Variants in CCDC152 observed in about 807,000 individuals in gnomAD.
CCDC152 encodes the protein coiled-coil domain containing 152.
A neutral mutation model predicts 38.1 loss-of-function variants in CCDC152; 37 were observed. That is an observed-to-expected ratio of 0.97 (90% CI 0.75 to 1.28). CCDC152 has a LOEUF of 1.28. Among genes scored for constraint, CCDC152 ranks in the 50% most tolerant of loss-of-function variants. The pLI, the probability that CCDC152 is intolerant of heterozygous loss-of-function variation, is 0.00. For synonymous variants in CCDC152, 83 were observed against 87.1 expected, an observed-to-expected ratio of 0.95 and a Z score of 0.26; for missense variants, 259 against 292.1, an observed-to-expected ratio of 0.89 and a Z score of 0.83.
chr5:42,767,842 T>C (rs182747129), intron 3 of CCDC152, among the ~76,000 whole-genome samples: 1 of 152,358 alleles, frequency 6.6e-6, no homozygotes, highest in Admixed American at 6.5e-5. Context: ...CAAAGACAAG[T>C]GATGGCAGAG....
rs539229301 is a variant in CCDC152 at position 42,786,193 on chromosome 5, A to G, written c.430+2617A>G. 1.5e-3 allele frequency among the ~76,000 whole-genome samples: 222 copies of G among 149,856 alleles called. 1 individual carries two copies. The highest frequency in any genetic ancestry group is 5.3e-3 in the African/African-American group (215 of 40,746). ...AATAGTTTCAGTAATATTGGTACCA[A>G]CTCTTCTTTGTACATCTGGTAGAAT... On this transcript the variant is annotated intron_variant, in intron 6 of 8. Coordinates refer to ENST00000361970, the MANE Select transcript of CCDC152 (RefSeq NM_001134848.2).
chr5:42,785,083 C>T (rs1759900788), intron 6 of CCDC152, among the ~76,000 whole-genome samples: 1 of 152,022 alleles, frequency 6.6e-6, no homozygotes, highest in Non-Finnish European at 1.5e-5. Flanking sequence ...TTTGACTATT[C>T]AGGCTCTGTT....
In CCDC152 at chr5:42,783,518, C is replaced by A; in HGVS notation, c.372C>A (p.Ile124=). Residue 124 remains isoleucine, a synonymous_variant, in exon 6 of 9, where the codon ATC becomes ATA. Coordinates refer to ENST00000361970, the MANE Select transcript of CCDC152 (RefSeq NM_001134848.2). ...NIAKLVSEMK[I]KEEGYKKEIS... is the part of the protein sequence containing the mutation. ...CCAAACTTGTAAGTGAAATGAAAAT[C>A]AAAGAGGAGGGATATAAGAAAGAAA... The A allele has an allele frequency of 7.2e-7, 1 of 1,383,964 alleles. No individual in the cohort carries two copies. Among genetic ancestry groups the A allele is most frequent in the Admixed American group, 2.6e-5 (1 of 38,936 alleles). 85.7% of individuals were successfully genotyped at this position (1,383,964 alleles called of 1,614,324 possible).
At chr5:42,778,223 A>G (rs1759793447) in intron 4 of CCDC152, among the ~76,000 whole-genome samples, 3 of 152,198 alleles carry the variant, frequency 2.0e-5, no homozygotes, top group Admixed American at 6.5e-5. Flanking sequence ...AAGTCGCCAA[A>G]TGTTGGAGTG....
At position 42,783,558 on chromosome 5, in the gene CCDC152, CA is replaced by C; in HGVS notation, c.413del (p.Gln138ArgfsTer9). On this transcript the variant is annotated frameshift_variant, in exon 6 of 9. Coordinates refer to ENST00000361970, the MANE Select transcript of CCDC152 (RefSeq NM_001134848.2). LOFTEE classifies it high-confidence loss of function. ...GYKKEISKLYQDMQRKVELNE... is the reference protein window; with the variant it reads ...GYKKEISKLYXDMQRKVELNE... Reference sequence around the variant, plus strand: ...TAAGAAAGAAATAAGCAAACTTTATCAGGACATGCAGAGAAAAGGTAAGTTT... The same window carrying C: ...TAAGAAAGAAATAAGCAAACTTTATCGGACATGCAGAGAAAAGGTAAGTTT... The C allele has an allele frequency of 7.3e-7, 1 of 1,372,778 alleles. No individual in the cohort carries two copies. The highest frequency in any genetic ancestry group is 9.5e-7 in the Non-Finnish European group (1 of 1,053,298). The allele number at this position is 1,372,778 out of a possible 1,614,324, so 85.0% of individuals were successfully genotyped here.
In CCDC152 at chr5:42,781,551, G is replaced by GCACACA. The variant is rs753951581; in HGVS notation, c.328-1922_328-1921insACACAC. 7.2e-4 allele frequency among the ~76,000 whole-genome samples: 106 copies of GCACACA among 147,596 alleles called. 1 individual carries two copies. The South Asian group carries it at 0.011, about 16-fold the overall frequency. On this transcript the variant is annotated intron_variant, in intron 5 of 8. Coordinates refer to ENST00000361970, the MANE Select transcript of CCDC152 (RefSeq NM_001134848.2). ...AATCCTCACTGAGAAAAATGCGCGCGCGCGCACACACACACACACACACAC... is the reference window on the plus strand; with the variant it reads ...AATCCTCACTGAGAAAAATGCGCGCGCACACACGCGCACACACACACACACACACAC...
At chr5:42,757,956 A>G (rs1410800107) in intron 1 of CCDC152, among the ~76,000 whole-genome samples, 1 of 152,218 alleles carries the variant, frequency 6.6e-6, no homozygotes, top group South Asian at 2.1e-4. Context: ...AAAGAATAAC[A>G]GTACTATCAA....
At chr5:42,782,430 T>A (rs1172465061) in intron 5 of CCDC152, among the ~76,000 whole-genome samples, 1 of 152,218 alleles carries the variant, frequency 6.6e-6, no homozygotes, top group Non-Finnish European at 1.5e-5. Flanking sequence ...AAGACATTGT[T>A]TCTGTAATAT....
chr5:42,795,510 A>C (rs913994436), intron 6 of CCDC152, among the ~76,000 whole-genome samples: 1 of 152,250 alleles, frequency 6.6e-6, no homozygotes, highest in Non-Finnish European at 1.5e-5. Context: ...AAATTTAAGC[A>C]ACAAAATAAA....
chr5:42,762,548 G>C lies in CCDC152; in HGVS notation c.193G>C (p.Glu65Gln). The C allele has an allele frequency of 2.0e-6, 3 of 1,477,814 alleles. No homozygotes were observed. The highest frequency in any genetic ancestry group is 2.8e-6 in the Non-Finnish European group (3 of 1,082,084). 91.5% of individuals were successfully genotyped at this position (1,477,814 alleles called of 1,614,324 possible). Reference protein sequence around the residue: ...MQAKEVSIKEECATLHNIIKG... With the variant: ...MQAKEVSIKEQCATLHNIIKG... The stretch of plus-strand genomic sequence containing the variant: ...AGCAAAGGAGGTCTCCATTAAAGAA[G>C]GTTAGTTATTTGCTGCCTGAGGAAT... Residue 65 changes from glutamate to glutamine, a missense_variant and splice_region_variant, in exon 3 of 9, where the codon GAA (glutamate) becomes CAA (glutamine). Coordinates refer to ENST00000361970, the MANE Select transcript of CCDC152 (RefSeq NM_001134848.2).
chr5:42,788,563 C>A (rs1328143430), intron 6 of CCDC152, among the ~76,000 whole-genome samples: 1 of 151,996 alleles, frequency 6.6e-6, no homozygotes, highest in African/African-American at 2.4e-5. Flanking sequence ...CCTGGTCCTT[C>A]ATCTGTATGT....
chr5:42,797,097 C>A, intron 7 of CCDC152, 141 bp downstream of exon 7: 1 of 610,474 alleles, frequency 1.6e-6, no homozygotes, highest in Non-Finnish European at 2.7e-6. Context: ...CATTCTCCAC[C>A]AAATGATTGC....
intron 4 of CCDC152, among the ~76,000 whole-genome samples, chr5:42,777,658 G>A (rs981694126): frequency 2.0e-5 from 3 of 151,896 alleles, no homozygotes; most frequent in Non-Finnish European, 4.4e-5. Flanking sequence ...TTTTCCTATC[G>A]GTTTCTCATC....
In CCDC152 at chr5:42,801,854, T is replaced by A. The variant is rs28919918; in HGVS notation, c.*2073T>A. On this transcript the variant is annotated 3_prime_UTR_variant, in exon 9 of 9. Transcript: ENST00000361970. ...ATCGTTTGAGCCTGCAAGATGGAGG[T>A]TGCAGTGAGCTCAGATGGTGCCACT... The A allele has an allele frequency of 9.1e-3, 1,396 of 153,310 alleles. 21 individuals are homozygous for A. The highest frequency in any genetic ancestry group is 0.032 in the African/African-American group (1,329 of 41,506). The allele number at this position is 153,310 out of a possible 1,614,324, so 9.5% of individuals were successfully genotyped here. A position where few individuals can be genotyped will look rare whatever the true frequency, so the allele number is the denominator to read the frequency against.
intron 2 of CCDC152, among the ~76,000 whole-genome samples, chr5:42,761,384 G>A (rs1437993063): frequency 6.6e-6 from 1 of 152,212 alleles, no homozygotes; most frequent in Non-Finnish European, 1.5e-5. Context: ...GGAGGCCAAG[G>A]CAGGTAGATT....
chr5:42,778,282 C>T (rs1363827954), intron 4 of CCDC152, among the ~76,000 whole-genome samples: 1 of 152,136 alleles, frequency 6.6e-6, no homozygotes, highest in Non-Finnish European at 1.5e-5. Context: ...ACTGGAACCT[C>T]GAAGTTAAAT....
Position 42,800,974 on chromosome 5 carries a change from T to A in CCDC152, c.*1193T>A. On this transcript the variant is annotated 3_prime_UTR_variant, in exon 9 of 9. Coordinates refer to ENST00000361970, the MANE Select transcript of CCDC152 (RefSeq NM_001134848.2). ...TGTCGACAATGGCAGCATCAGCTCC[T>A]AGGAGCCAACTCTGAATCTGTGGGC... The A allele has an allele frequency of 6.2e-7, 1 of 1,614,238 alleles. No individual in the cohort carries two copies. Among genetic ancestry groups the A allele is most frequent in the Non-Finnish European group, 8.5e-7 (1 of 1,180,036 alleles).
At position 42,759,177 on chromosome 5, in the gene CCDC152, A is replaced by G; in HGVS notation, c.56A>G (p.Lys19Arg). The change falls in exon 2 of 9, where the codon AAA becomes AGA. Residue 19 changes from lysine to arginine, a missense_variant. Transcript: ENST00000361970. Reference protein sequence around the residue: ...MKKISSVNLDKLINDFSQIEK... With the variant: ...MKKISSVNLDRLINDFSQIEK... The stretch of plus-strand genomic sequence containing the variant: ...AAGATTAGCAGTGTGAATCTTGACA[A>G]ACTTATAAATGACTTCTCACAGATA... 6.4e-7 allele frequency: 1 copy of G among 1,550,772 alleles called. No homozygotes were observed. Among genetic ancestry groups the G allele is most frequent in the Non-Finnish European group, 8.7e-7 (1 of 1,146,220 alleles).
intron 6 of CCDC152, among the ~76,000 whole-genome samples, chr5:42,789,211 C>T (rs1324033038): frequency 6.6e-6 from 1 of 152,222 alleles, no homozygotes; most frequent in Non-Finnish European, 1.5e-5. Context: ...CTGCAGGGCT[C>T]TGAGTTCCTT....
Sources: allele counts gnomAD v4.1 joint callset (sites outside exome capture counted in the v4.1 genomes callset), GRCh38; gene constraint gnomAD v4.1.1; transcripts MANE v1.5; gene names NCBI Gene and HGNC (gene_info 2026-07-23, HGNC 2026-07-21).